FBLN1: variants seen among roughly 807,000 people sequenced by gnomAD.
The protein encoded by FBLN1 is fibulin-1.
Under a neutral mutation model 89.7 loss-of-function variants are expected in FBLN1, and 34 were observed. That is an observed-to-expected ratio of 0.38 (90% CI 0.29 to 0.50). The LOEUF (loss-of-function observed/expected upper bound fraction) is 0.50, where lower values mean the gene tolerates loss of function less well. FBLN1 is among the 20% of genes least tolerant of loss of function. The pLI, the probability that FBLN1 is intolerant of heterozygous loss-of-function variation, is 0.92. For synonymous variants in FBLN1, 393 were observed against 391.3 expected, an observed-to-expected ratio of 1.00 and a Z score of -0.05; for missense variants, 777 against 988.1, an observed-to-expected ratio of 0.79 and a Z score of 2.86.
chr22:45,600,189 C>A, intron 16 of FBLN1, 118 bp from the exon 17 acceptor site: 1 of 1,228,326 alleles, frequency 8.1e-7, no homozygotes, highest in Non-Finnish European at 1.2e-6. Flanking sequence ...TAGGATGGGA[C>A]TCCATGAGGT....
chr22:45,541,322 C>T lies in FBLN1; in HGVS notation c.1016C>T (p.Pro339Leu). The change falls in exon 9 of 17, where the codon CCC becomes CTC. Residue 339 changes from proline to leucine, a missense_variant. Pro to Leu is a moderately conservative substitution (Grantham distance 98). Coordinates refer to ENST00000327858, the MANE Select transcript of FBLN1 (RefSeq NM_006486.3). ...TCCTACACGTGCCAGAAGAACGTGCCCAACTGTGGCCGTGGCTACCATCTC... is the reference window on the plus strand; with the variant it reads ...TCCTACACGTGCCAGAAGAACGTGCTCAACTGTGGCCGTGGCTACCATCTC... ...EGSYTCQKNV[P>L]NCGRGYHLNE... is the part of the protein sequence containing the mutation. The T allele has an allele frequency of 1.2e-6, 2 of 1,614,254 alleles. No individual in the cohort carries two copies. Among genetic ancestry groups the T allele is most frequent in the Non-Finnish European group, 1.7e-6 (2 of 1,180,040 alleles).
chr22:45,577,424 A>G lies in FBLN1; in HGVS notation c.1972+316A>G, dbSNP rs2089007214. Among the ~76,000 whole-genome samples the G allele has an allele frequency of 6.6e-6, 1 of 152,190 alleles. No individual in the cohort carries two copies. Among genetic ancestry groups the G allele is most frequent in the Admixed American group, 6.5e-5 (1 of 15,288 alleles). On this transcript the variant is annotated intron_variant, in intron 16 of 16. Coordinates refer to ENST00000327858, the MANE Select transcript of FBLN1 (RefSeq NM_006486.3). The surrounding 1 kb of genome is among the most constrained non-coding windows in gnomAD (Gnocchi z 6.6). ...TGCGCCTCACAACCATGAATTTCAAATGATACCACCCAAGTAAAGTGCTTG... is the reference window on the plus strand; with the variant it reads ...TGCGCCTCACAACCATGAATTTCAAGTGATACCACCCAAGTAAAGTGCTTG...
intron 7 of FBLN1, 130 bp from the exon 8 acceptor site, chr22:45,535,070 C>A: frequency 9.3e-7 from 1 of 1,072,280 alleles, no homozygotes; most frequent in Non-Finnish European, 1.4e-6. Flanking sequence ...TATGATTTCT[C>A]TATTAGAATG....
At chr22:45,518,900 C>T (rs1010966363) in intron 2 of FBLN1, 113 bp downstream of exon 2, 15 of 971,244 alleles carry the variant, frequency 1.5e-5, no homozygotes, top group East Asian at 5.2e-5. Flanking sequence ...CACCCAGGCC[C>T]GGATCCATCC....
intron 14 of FBLN1, among the ~76,000 whole-genome samples, chr22:45,567,052 A>T (rs2088906612): frequency 6.6e-6 from 1 of 152,200 alleles, no homozygotes; most frequent in Non-Finnish European, 1.5e-5. Context: ...AAGGTGAAGG[A>T]ACTTGCCCAA....
rs143486528 is a variant in FBLN1 at position 45,581,487 on chromosome 22, T to C, written c.1972+4379T>C. 3.3e-4 allele frequency among the ~76,000 whole-genome samples: 51 copies of C among 152,252 alleles called. 3 individuals are homozygous for C. In the East Asian group the frequency reaches 9.9e-3, roughly 30 times the overall value. On this transcript the variant is annotated intron_variant, in intron 16 of 16. Coordinates refer to ENST00000327858, the MANE Select transcript of FBLN1 (RefSeq NM_006486.3). This position sits in a 1 kb window ranked among gnomAD's most constrained non-coding sequence, Gnocchi z 7.6. ...TCCAGGGAGGGAAATCTGTGTGCTA[T>C]GAGGCTTGGTTGTGGCCACATTTCT...
At chr22:45,570,256 G>T (rs2088939358) in intron 14 of FBLN1, among the ~76,000 whole-genome samples, 1 of 143,398 alleles carries the variant, frequency 7.0e-6, no homozygotes, top group Non-Finnish European at 1.5e-5. Flanking sequence ...GGAGGCAGAG[G>T]TTGCAGTGAG....
Position 45,561,902 on chromosome 22 carries a change from A to G in FBLN1, c.1697+11287A>G, listed in dbSNP as rs939984925. On this transcript the variant is annotated intron_variant, in intron 14 of 16. Coordinates refer to ENST00000327858, the MANE Select transcript of FBLN1 (RefSeq NM_006486.3). The surrounding 1 kb of genome is among the most constrained non-coding windows in gnomAD (Gnocchi z 4.7). Reference sequence around the variant, plus strand: ...GCACAGGAGAAAGATGTAGGCTGGGAGGCTAGGCCAGTCTCTCCTATCACA... The same window carrying G: ...GCACAGGAGAAAGATGTAGGCTGGGGGGCTAGGCCAGTCTCTCCTATCACA... 6.6e-6 allele frequency among the ~76,000 whole-genome samples: 1 copy of G among 152,198 alleles called. No homozygotes were observed. The highest frequency in any genetic ancestry group is 1.5e-5 in the Non-Finnish European group (1 of 68,044).
chr22:45,561,727 A>G lies in FBLN1; in HGVS notation c.1697+11112A>G, dbSNP rs375404328. Among the ~76,000 whole-genome samples the G allele has an allele frequency of 8.6e-4, 131 of 152,336 alleles. 1 individual carries two copies. The highest frequency in any genetic ancestry group is 2.8e-3 in the African/African-American group (117 of 41,572). On this transcript the variant is annotated intron_variant, in intron 14 of 16. Coordinates refer to ENST00000327858, the MANE Select transcript of FBLN1 (RefSeq NM_006486.3). The surrounding 1 kb of genome is among the most constrained non-coding windows in gnomAD (Gnocchi z 4.7). ...TAGAGGGACAGAACTAACGGAATAC[A>G]TATGTATAATGGAGAGTTTATTAAG...
chr22:45,576,931 TG>T lies in FBLN1; in HGVS notation c.1841-42del, dbSNP rs2089002248. 1 of 1,611,012 alleles carries T rather than the reference TG, an allele frequency of 6.2e-7. No homozygotes were observed. On this transcript the variant is annotated intron_variant, in intron 15 of 16. Coordinates refer to ENST00000327858, the MANE Select transcript of FBLN1 (RefSeq NM_006486.3). This position sits in a 1 kb window ranked among gnomAD's most constrained non-coding sequence, Gnocchi z 5.2. ...CTGGGGACGAGGCTGGGACTGGGGC[TG>T]GGGCCAGGCTGTGCTGAGCCCTTCT... is the stretch of plus-strand genomic sequence containing the variant.
intron 14 of FBLN1, among the ~76,000 whole-genome samples, chr22:45,570,330 A>AG (rs1271850345): frequency 2.6e-5 from 3 of 114,448 alleles, no homozygotes; most frequent in African/African-American, 1.1e-4. Context: ...AAAAAAAAAA[A>AG]AAAAAAAAAG....
rs535466984 is a variant in FBLN1, at chr22:45,546,945, A to AC, written c.1322-134dup. 393 of 1,357,194 alleles carry AC rather than the reference A, an allele frequency of 2.9e-4. No homozygotes were observed. In the African/African-American group the frequency reaches 4.6e-3, roughly 16 times the overall value. The allele number at this position is 1,357,194 out of a possible 1,614,324, so 84.1% of individuals were successfully genotyped here. A position where few individuals can be genotyped will look rare whatever the true frequency, so the allele number is the denominator to read the frequency against. ...GCGATGACGCCTCTCCCTCGGCCACACCCCCCGGGACCTCTGTCTCTCCGA... is the reference window on the plus strand; with the variant it reads ...GCGATGACGCCTCTCCCTCGGCCACACCCCCCCGGGACCTCTGTCTCTCCGA... On this transcript the variant is annotated intron_variant, in intron 11 of 16. Coordinates refer to ENST00000327858, the MANE Select transcript of FBLN1 (RefSeq NM_006486.3).
chr22:45,547,701 C>G (rs1041265496), intron 12 of FBLN1, among the ~76,000 whole-genome samples: 7 of 152,032 alleles, frequency 4.6e-5, no homozygotes, highest in Non-Finnish European at 1.0e-4. Context: ...TGCCTGGCCC[C>G]CAACTGAAAT....
Position 45,533,053 on chromosome 22 carries a change from G to A in FBLN1, c.545-10G>A. On this transcript the variant is annotated splice_polypyrimidine_tract_variant and intron_variant, in intron 5 of 16. Transcript: ENST00000327858. ...CGTCCATCCCTGGCTCATGCACGCT[G>A]TGCTTCCAGGAGGCGGGCCCTGCAA... 6.2e-7 allele frequency: 1 copy of A among 1,612,942 alleles called. No homozygotes were observed. Among genetic ancestry groups the A allele is most frequent in the Non-Finnish European group, 8.5e-7 (1 of 1,178,968 alleles).
At chr22:45,504,575 G>C (rs980984036) in intron 1 of FBLN1, among the ~76,000 whole-genome samples, 2 of 152,162 alleles carry the variant, frequency 1.3e-5, no homozygotes, top group African/African-American at 2.4e-5. Context: ...GAAAAGGAAG[G>C]AGCCTCAGAG....
At position 45,503,057 on chromosome 22, in the gene FBLN1, G is replaced by T; in HGVS notation, c.72G>T (p.Ala24=). Residue 24 remains alanine, a synonymous_variant, in exon 1 of 17, where the codon GCG becomes GCT. Coordinates refer to ENST00000327858, the MANE Select transcript of FBLN1 (RefSeq NM_006486.3). ...TGCTCGGCGGCCTTGCGCTGCTGGC[G>T]GCCGGAGGTAGGGGCGTCCCGGGTC... ...LLLLGGLALL[A]AGVDADVLLE... is the part of the protein sequence containing the mutation. 8.0e-7 allele frequency: 1 copy of T among 1,247,188 alleles called. No individual in the cohort carries two copies. The highest frequency in any genetic ancestry group is 3.3e-5 in the South Asian group (1 of 29,908). 77.3% of individuals were successfully genotyped at this position (1,247,188 alleles called of 1,614,324 possible). A position where few individuals can be genotyped will look rare whatever the true frequency, so the allele number is the denominator to read the frequency against.
intron 4 of FBLN1, among the ~76,000 whole-genome samples, chr22:45,528,645 A>G (rs2088363345): frequency 6.6e-6 from 1 of 152,010 alleles, no homozygotes; most frequent in South Asian, 2.1e-4. Context: ...GTGCCTGGCC[A>G]ATATTAATCT....
In FBLN1 at chr22:45,592,078, C is replaced by G. The variant is rs6006777; in HGVS notation, c.1973-8229C>G. 4.5e-3 allele frequency among the ~76,000 whole-genome samples: 540 copies of G among 120,010 alleles called. 130 individuals are homozygous for G. The highest frequency in any genetic ancestry group is 0.02 in the African/African-American group (526 of 26,798). 78.7% of individuals were successfully genotyped at this position (120,010 alleles called of 152,430 possible). The stretch of plus-strand genomic sequence containing the variant: ...AGATCTGGGCTCTGAGGTCAGTCCC[C>G]GCTGGACGGAAACCTGCGGCCCTGT... On this transcript the variant is annotated intron_variant, in intron 16 of 16. Transcript: ENST00000327858.
intron 14 of FBLN1, among the ~76,000 whole-genome samples, chr22:45,573,978 C>CTTT (rs200695286): frequency 1.2e-4 from 7 of 57,808 alleles, no homozygotes; most frequent in Non-Finnish European, 2.6e-4. Flanking sequence ...AGACTGTAGC[C>CTTT]TCTTCTGCCT....
Sources: gnomAD v4.1 joint callset for allele counts (sites outside exome capture counted in the v4.1 genomes callset) on GRCh38, gnomAD v4.1.1 for gene constraint, Gnocchi (gnomAD v3.1) non-coding constraint, MANE v1.5 for transcripts, NCBI Gene and HGNC (gene_info 2026-07-23, HGNC 2026-07-21) for gene names.